TMEM33: variants seen among roughly 807,000 people sequenced by gnomAD.
TMEM33 encodes the protein transmembrane protein 33.
Under a neutral mutation model 29.7 loss-of-function variants are expected in TMEM33, and 16 were observed. The observed-to-expected ratio is 0.54, with a 90% CI of 0.36 to 0.82. The LOEUF (loss-of-function observed/expected upper bound fraction) is 0.82. TMEM33 is among the 40% of genes least tolerant of loss of function. The pLI is 0.00. For missense variants in TMEM33, 252 were observed against 295.3 expected, an observed-to-expected ratio of 0.85 and a Z score of 1.08; for synonymous variants, 112 against 109.4, an observed-to-expected ratio of 1.02 and a Z score of -0.15.
At position 41,952,941 on chromosome 4, in the gene TMEM33, C is replaced by T. The variant is rs115255657; in HGVS notation, c.615-1129C>T. Among the ~76,000 whole-genome samples the T allele has an allele frequency of 3.2e-3, 484 of 152,036 alleles. 7 individuals carry two copies. The highest frequency in any genetic ancestry group is 0.011 in the African/African-American group (464 of 41,458). On this transcript the variant is annotated intron_variant, in intron 6 of 6. Transcript: ENST00000504986. ...TATATTTTAAAATATATAAAAAACA[C>T]TGTCCATGTAGTATATTTTTTCTTG...
At chr4:41,951,299 T>C (rs985149869) in intron 6 of TMEM33, among the ~76,000 whole-genome samples, 3 of 152,192 alleles carry the variant, frequency 2.0e-5, no homozygotes, top group African/African-American at 7.2e-5. Flanking sequence ...AAAAGCCATG[T>C]GTTGCTGATG....
rs1172500375 is a variant in TMEM33 at position 41,935,654 on chromosome 4, G to T, written c.45+125G>T. On this transcript the variant is annotated intron_variant, in intron 1 of 6. Transcript: ENST00000504986. ...AGGAATGGGATTAATGAGTTGGGGT[G>T]GGGAAGTTGGAGCGGGGAGAGGGGA... The T allele has an allele frequency of 3.9e-5, 39 of 997,048 alleles. No homozygotes were observed. In the East Asian group the frequency reaches 1.0e-3, roughly 26 times the overall value. 61.8% of individuals were successfully genotyped at this position (997,048 alleles called of 1,614,324 possible). A position where few individuals can be genotyped will look rare whatever the true frequency, so the allele number is the denominator to read the frequency against.
chr4:41,941,863 T>C (rs114149299), intron 3 of TMEM33, among the ~76,000 whole-genome samples: 4,316 of 152,320 alleles, frequency 0.028, 102 homozygotes, highest in African/African-American at 0.055. Flanking sequence ...ATTTCACCTC[T>C]TATCTTTTCT....
Position 41,955,230 on chromosome 4 carries a change from A to AG in TMEM33, c.*1033dup, listed in dbSNP as rs560867778. On this transcript the variant is annotated 3_prime_UTR_variant, in exon 7 of 7. Transcript: ENST00000504986. ...GGTTAAATGGAAGGTTTTATAGGTA[A>AG]GGTAATTGATTGGGAATGGGGTAGG... 8.9e-4 allele frequency: 136 copies of AG among 152,652 alleles called. No individual in the cohort carries two copies. Among genetic ancestry groups the AG allele is most frequent in the African/African-American group, 3.0e-3 (126 of 41,520 alleles). The allele number at this position is 152,652 out of a possible 1,614,324, so 9.5% of individuals were successfully genotyped here.
intron 1 of TMEM33, among the ~76,000 whole-genome samples, chr4:41,935,917 C>T (rs1231857380): frequency 2.6e-5 from 4 of 152,200 alleles, no homozygotes; most frequent in Admixed American, 2.6e-4. Context: ...CGGCAAAGAA[C>T]GTTTCTGCCT....
chr4:41,950,518 CTGTTA>C lies in TMEM33; in HGVS notation c.614+1138_614+1142del, dbSNP rs1206656333. Among the ~76,000 whole-genome samples the C allele has an allele frequency of 2.6e-5, 4 of 152,068 alleles. No individual in the cohort carries two copies. In the South Asian group the frequency reaches 6.2e-4, roughly 24 times the overall value. ...AAGTAATATTTTAAAAGTACTTAGA[CTGTTA>C]TGTTCTTACTAGTTCATTTTCATTA... is the stretch of plus-strand genomic sequence containing the variant. On this transcript the variant is annotated intron_variant, in intron 6 of 6. Transcript: ENST00000504986.
chr4:41,936,981 A>G (rs114400763), intron 1 of TMEM33, among the ~76,000 whole-genome samples: 2,775 of 152,044 alleles, frequency 0.018, 37 homozygotes, highest in South Asian at 0.025. Context: ...CTAATTAAAA[A>G]GTGTTCTTTG....
Position 41,956,226 on chromosome 4 carries a change from C to T in TMEM33, c.*2027C>T, listed in dbSNP as rs1713261965. On this transcript the variant is annotated 3_prime_UTR_variant, in exon 7 of 7. Coordinates refer to ENST00000504986, the MANE Select transcript of TMEM33 (RefSeq NM_018126.3). ...CCATGTTGGCCAGGATGGTCTCGAT[C>T]TCCTGACCTCGTGATCTGCCTGCCT... 6.6e-6 allele frequency: 1 copy of T among 152,250 alleles called. No homozygotes were observed. 9.4% of individuals were successfully genotyped at this position (152,250 alleles called of 1,614,324 possible).
chr4:41,943,939 T>G (rs1712665977), intron 4 of TMEM33, 125 bp downstream of exon 4: 1 of 785,462 alleles, frequency 1.3e-6, no homozygotes, highest in Admixed American at 2.8e-5. Context: ...TTATGAATTA[T>G]TTAGTGATTT....
In TMEM33 at chr4:41,956,008, G is replaced by C. The variant is rs563453686; in HGVS notation, c.*1809G>C. ...GTTTTTGTTTTTTGAGACAGAGTCT[G>C]TCTCTGTCGCCAAGGCTGGAGTGCA... On this transcript the variant is annotated 3_prime_UTR_variant, in exon 7 of 7. Coordinates refer to ENST00000504986, the MANE Select transcript of TMEM33 (RefSeq NM_018126.3). The C allele has an allele frequency of 2.6e-5, 4 of 152,220 alleles. No individual in the cohort carries two copies. In the South Asian group the frequency reaches 8.3e-4, roughly 32 times the overall value. The allele number at this position is 152,220 out of a possible 1,614,324, so 9.4% of individuals were successfully genotyped here. A position where few individuals can be genotyped will look rare whatever the true frequency, so the allele number is the denominator to read the frequency against.
chr4:41,942,888 A>G (rs1303580868), intron 3 of TMEM33, among the ~76,000 whole-genome samples: 1 of 152,228 alleles, frequency 6.6e-6, no homozygotes, highest in African/African-American at 2.4e-5. Context: ...TTGAGAGCAT[A>G]ACTGTGACAA....
intron 5 of TMEM33, 69 bp downstream of exon 5, chr4:41,944,995 T>C: frequency 1.3e-6 from 2 of 1,572,002 alleles, no homozygotes; most frequent in Non-Finnish European, 1.7e-6. Context: ...ACTCAAGTTT[T>C]ATTCTGTTTA....
At chr4:41,950,112 T>G (rs977706764) in intron 6 of TMEM33, among the ~76,000 whole-genome samples, 10 of 152,234 alleles carry the variant, frequency 6.6e-5, no homozygotes, top group African/African-American at 2.2e-4. Flanking sequence ...CAGAATATTC[T>G]TCTGATACCC....
At position 41,943,784 on chromosome 4, in the gene TMEM33, T is replaced by C. The variant is rs370877822; in HGVS notation, c.366T>C (p.His122=). Residue 122 remains histidine (H), a synonymous_variant, in exon 4 of 7, where the codon CAT becomes CAC. Transcript: ENST00000504986. ...IFPVLLFSLL[H]AATYTKKVLD... is the part of the protein sequence containing the mutation. ...CAGTCTTGTTATTCTCTTTGCTTCATGCTGCCACATATACGAAAAAGGTCC... is the reference window on the plus strand; with the variant it reads ...CAGTCTTGTTATTCTCTTTGCTTCACGCTGCCACATATACGAAAAAGGTCC... The C allele has an allele frequency of 5.3e-5, 86 of 1,613,864 alleles. No individual in the cohort carries two copies. The highest frequency in any genetic ancestry group is 4.9e-4 in the Middle Eastern group (3 of 6,080).
chr4:41,946,804 T>C (rs551467995), intron 5 of TMEM33, among the ~76,000 whole-genome samples: 1 of 152,334 alleles, frequency 6.6e-6, no homozygotes, highest in Non-Finnish European at 1.5e-5. Context: ...TTAGAAACTT[T>C]AATTATTAAT....
At chr4:41,951,199 A>T (rs1713024916) in intron 6 of TMEM33, among the ~76,000 whole-genome samples, 1 of 152,172 alleles carries the variant, frequency 6.6e-6, no homozygotes, top group South Asian at 2.1e-4. Flanking sequence ...TGTGCTGTCC[A>T]GTACAGCACA....
rs1487083433 is a variant in TMEM33, at chr4:41,955,273, A to G, written c.*1074A>G. The G allele has an allele frequency of 6.6e-6, 1 of 152,332 alleles. No homozygotes were observed. The highest frequency in any genetic ancestry group is 1.5e-5 in the Non-Finnish European group (1 of 67,994). The allele number at this position is 152,332 out of a possible 1,614,324, so 9.4% of individuals were successfully genotyped here. On this transcript the variant is annotated 3_prime_UTR_variant, in exon 7 of 7. Transcript: ENST00000504986. Reference sequence around the variant, plus strand: ...GGGGTAGGGGGAGGAGTTGTGGGGGAATAATGTGCATTTCAGTCTCAACGC... The same window carrying G: ...GGGGTAGGGGGAGGAGTTGTGGGGGGATAATGTGCATTTCAGTCTCAACGC...
intron 3 of TMEM33, among the ~76,000 whole-genome samples, chr4:41,941,073 A>G (rs1400694656): frequency 6.6e-6 from 1 of 152,196 alleles, no homozygotes; most frequent in Non-Finnish European, 1.5e-5. Flanking sequence ...ATTTCATTTA[A>G]ATATTCAGTA....
rs1406675293 is a variant in TMEM33 at position 41,935,525 on chromosome 4, CTGTGGTAA to C, written c.42_45+4del. The C allele has an allele frequency of 6.2e-7, 1 of 1,607,586 alleles. No individual in the cohort carries two copies. Among genetic ancestry groups the C allele is most frequent in the Non-Finnish European group, 8.5e-7 (1 of 1,177,162 alleles). On this transcript the variant is annotated splice_donor_variant and splice_donor_region_variant and coding_sequence_variant and intron_variant, in exon 1 of 7. Coordinates refer to ENST00000504986, the MANE Select transcript of TMEM33 (RefSeq NM_018126.3). LOFTEE classifies it high-confidence loss of function. ...CCGAACGGCCCCCAAGGGGCGGGCGCTGTGGTAAGTGCGAGGGCAGGGTAGTCTGGCTT... is the reference window on the plus strand; with the variant it reads ...CCGAACGGCCCCCAAGGGGCGGGCGCGTGCGAGGGCAGGGTAGTCTGGCTT...
Sources: allele counts gnomAD v4.1 joint callset (sites outside exome capture counted in the v4.1 genomes callset), GRCh38; gene constraint gnomAD v4.1.1; transcripts MANE v1.5; gene names NCBI Gene and HGNC (gene_info 2026-07-23, HGNC 2026-07-21).